The following COL3A1 variants were observed in gnomAD, a reference collection of about 807,000 sequenced individuals.
The protein encoded by COL3A1 is collagen type III alpha 1 chain, also known as collagen alpha-1(III) chain.
Under a neutral mutation model 200.9 loss-of-function variants are expected in COL3A1, and 46 were observed. The ratio of observed to expected loss-of-function variants is 0.23; its 90% CI spans 0.18 to 0.29. The LOEUF is 0.29. Ranked by LOEUF, COL3A1 falls within the 10% of genes least tolerant of loss-of-function variation. COL3A1 has a pLI of 1.00. For missense variants in COL3A1, 1,367 were observed against 1,917.6 expected, an observed-to-expected ratio of 0.71 and a Z score of 5.36; for synonymous variants, 650 against 628.0, an observed-to-expected ratio of 1.03 and a Z score of -0.52.
In COL3A1 at chr2:189,008,358, A is replaced by C. The variant is rs1688643863; in HGVS notation, c.3525+216A>C. On this transcript the variant is annotated intron_variant, in intron 47 of 50. Transcript: ENST00000304636. The stretch of plus-strand genomic sequence containing the variant: ...TACCTTTTTAAAAATTTGATCAGGT[A>C]TCCATCGTATCAGAATAATGACATC... 8.7e-6 allele frequency: 5 copies of C among 573,404 alleles called. No homozygotes were observed. In the Admixed American group the frequency reaches 1.4e-4, roughly 16 times the overall value. The allele number at this position is 573,404 out of a possible 1,614,324, so 35.5% of individuals were successfully genotyped here. A position where few individuals can be genotyped will look rare whatever the true frequency, so the allele number is the denominator to read the frequency against.
chr2:189,008,893 A>G, intron 47 of COL3A1, 31 bp from the exon 48 acceptor site: 1 of 1,608,260 alleles, frequency 6.2e-7, no homozygotes, highest in Non-Finnish European at 8.5e-7. Flanking sequence ...GAATGTGCAT[A>G]CCTCAATGAT....
Position 189,002,976 on chromosome 2 carries a change from G to T in COL3A1, c.2467G>T (p.Gly823Cys). 6.4e-7 allele frequency: 1 copy of T among 1,551,672 alleles called. No homozygotes were observed. The highest frequency in any genetic ancestry group is 8.7e-7 in the Non-Finnish European group (1 of 1,146,974). ...GTAGGGACAGAATGGTGAACCTGGTGGTAAAGGAGAAAGAGGGGCTCCGGG... is the reference window on the plus strand; with the variant it reads ...GTAGGGACAGAATGGTGAACCTGGTTGTAAAGGAGAAAGAGGGGCTCCGGG... ...GAPGQNGEPG[G>C]KGERGAPGEK... The change falls in exon 36 of 51, where the codon GGT becomes TGT. Residue 823 changes from glycine to cysteine, a missense_variant. Gly to Cys is a radical substitution (Grantham distance 159). This residue lies in a region of COL3A1 where 846 missense variants were observed against 1,147.9 expected (regional missense o/e 0.74). Transcript: ENST00000304636.
At chr2:188,979,769 G>A (rs746362179) in intron 1 of COL3A1, among the ~76,000 whole-genome samples, 1 of 151,650 alleles carries the variant, frequency 6.6e-6, no homozygotes, top group Non-Finnish European at 1.5e-5. Context: ...TTCTTTAATC[G>A]TACTCAGTTT....
chr2:189,006,897 G>C, intron 43 of COL3A1, 40 bp from the exon 44 acceptor site: 3 of 1,604,438 alleles, frequency 1.9e-6, no homozygotes, highest in Non-Finnish European at 2.6e-6. Flanking sequence ...CATAAAACTA[G>C]TTCCGTGTAT....
At chr2:189,010,937 T>C (rs1433681281) in intron 50 of COL3A1, 47 bp downstream of exon 50, 2 of 1,611,152 alleles carry the variant, frequency 1.2e-6, no homozygotes, top group South Asian at 1.1e-5. Context: ...GTCAGCATTT[T>C]AGTTTAATCA....
chr2:188,990,200 C>G, intron 9 of COL3A1, 51 bp downstream of exon 9: 1 of 1,595,684 alleles, frequency 6.3e-7, no homozygotes, highest in Non-Finnish European at 8.6e-7. Context: ...AGCTTGAAAA[C>G]TATTATGTAA....
chr2:188,992,060 T>G, intron 13 of COL3A1, 124 bp from the exon 14 acceptor site: 1 of 886,208 alleles, frequency 1.1e-6, no homozygotes, highest in Non-Finnish European at 1.9e-6. Context: ...TACATAATTA[T>G]TAAGCAGATT....
rs759132286 is a variant in COL3A1 at position 189,010,195 on chromosome 2, C to T, written c.3841C>T (p.Pro1281Ser). 1.2e-6 allele frequency: 2 copies of T among 1,613,914 alleles called. No individual in the cohort carries two copies. The highest frequency in any genetic ancestry group is 2.2e-5 in the South Asian group (2 of 91,080). Residue 1281 changes from proline to serine, a missense_variant, in exon 49 of 51, where the codon CCT becomes TCT. Physicochemically the swap from Pro to Ser is moderately conservative, Grantham distance 74. Around this residue, in one of 5 missense-constraint regions of COL3A1, gnomAD observed 846 missense variants for 1,147.9 expected, o/e 0.74. Transcript: ENST00000304636. ...ELKSGEYWVD[P>S]NQGCKLDAIK... Reference sequence around the variant, plus strand: ...CTATTCAGGAGAATACTGGGTTGACCCTAACCAAGGATGCAAATTGGATGC... The same window carrying T: ...CTATTCAGGAGAATACTGGGTTGACTCTAACCAAGGATGCAAATTGGATGC...
In COL3A1 at chr2:189,005,334, A is replaced by G. The variant is rs781150754; in HGVS notation, c.2932-16A>G. 2.5e-6 allele frequency: 4 copies of G among 1,605,982 alleles called. No individual in the cohort carries two copies. In the Admixed American group the frequency reaches 6.7e-5, roughly 27 times the overall value. On this transcript the variant is annotated splice_polypyrimidine_tract_variant and intron_variant, in intron 40 of 50. Transcript: ENST00000304636. ...CTTAAGTTGAAACAAAATGTTTTTC[A>G]TTCCTTTGTATACAGGGTGAAAGTG... is the stretch of plus-strand genomic sequence containing the variant.
At chr2:188,978,431 A>G (rs1687873682) in intron 1 of COL3A1, among the ~76,000 whole-genome samples, 2 of 151,986 alleles carry the variant, frequency 1.3e-5, no homozygotes, top group Non-Finnish European at 2.9e-5. Flanking sequence ...CTGGACCTTG[A>G]GTTGTCACTC....
chr2:189,007,138 T>TA (rs1553509521), intron 44 of COL3A1, 148 bp downstream of exon 44: 27 of 189,670 alleles, frequency 1.4e-4, no homozygotes, highest in African/African-American at 7.7e-4. Context: ...TATATATATA[T>TA]ATTTGTTCTA....
At chr2:188,999,226 G>T in intron 29 of COL3A1, 59 bp from the exon 30 acceptor site, 1 of 1,451,168 alleles carries the variant, frequency 6.9e-7, no homozygotes, top group South Asian at 1.2e-5. Context: ...TGCAAGTTAA[G>T]GTGCTTTGTT....
chr2:188,994,592 C>G lies in COL3A1; in HGVS notation c.1345C>G (p.Arg449Gly). The G allele has an allele frequency of 6.2e-7, 1 of 1,613,954 alleles. No individual in the cohort carries two copies. The highest frequency in any genetic ancestry group is 8.5e-7 in the Non-Finnish European group (1 of 1,179,990). The change falls in exon 19 of 51, where the codon CGC becomes GGC. Residue 449 changes from arginine (R) to glycine (G), a missense_variant and splice_region_variant. By Grantham distance (125) the Arg-to-Gly change is moderately radical. Transcript: ENST00000304636. The surrounding 1 kb of genome is among the most constrained non-coding windows in gnomAD (Gnocchi z 4.5). Reference protein sequence around the residue: ...AKGEPGPRGERGEAGIPGVPG... With the variant: ...AKGEPGPRGEGGEAGIPGVPG... The stretch of plus-strand genomic sequence containing the variant: ...AGGAGAGCCCGGACCACGTGGTGAA[C>G]GCGTAAGTTTTACTGCAACAGATCT...
Position 188,989,449 on chromosome 2 carries a change from T to C in COL3A1, c.690T>C (p.Asp230=), listed in dbSNP as rs1576462792. The change falls in exon 8 of 51, where the codon GAT becomes GAC. Residue 230 remains aspartate (D), a splice_region_variant and synonymous_variant. Coordinates refer to ENST00000304636, the MANE Select transcript of COL3A1 (RefSeq NM_000090.4). ...GTCCATCTGGTCCTGCTGGAAAAGA[T>C]GTAAGTTTTTAAAACTTAAATAAGA... ...AIGPSGPAGK[D]GESGRPGRPG... is the part of the protein sequence containing the mutation. The C allele has an allele frequency of 2.5e-6, 4 of 1,606,298 alleles. No homozygotes were observed. The highest frequency in any genetic ancestry group is 4.5e-5 in the East Asian group (2 of 44,642).
At chr2:189,011,152 G>C (rs1400179561) in intron 50 of COL3A1, among the ~76,000 whole-genome samples, 1 of 152,124 alleles carries the variant, frequency 6.6e-6, no homozygotes, top group Non-Finnish European at 1.5e-5. Context: ...AGATAATTGG[G>C]ATAGTTACTA....
At chr2:188,991,785 T>G (rs373677705) in intron 13 of COL3A1, 63 bp downstream of exon 13, 2 of 1,540,702 alleles carry the variant, frequency 1.3e-6, no homozygotes, top group African/African-American at 2.7e-5. Flanking sequence ...ACAGCCTCAG[T>G]AAAGTTTCAG....
In COL3A1 at chr2:189,011,948, T is replaced by G. The variant is rs1360959723; in HGVS notation, c.*174T>G. 3 of 687,138 alleles carry G rather than the reference T, an allele frequency of 4.4e-6. No individual in the cohort carries two copies. In the African/African-American group the frequency reaches 5.4e-5, roughly 12 times the overall value. The allele number at this position is 687,138 out of a possible 1,614,324, so 42.6% of individuals were successfully genotyped here. A position where few individuals can be genotyped will look rare whatever the true frequency, so the allele number is the denominator to read the frequency against. On this transcript the variant is annotated 3_prime_UTR_variant, in exon 51 of 51. Transcript: ENST00000304636. ...AATGATACTTCTCTTTTTTTGCTGT[T>G]CCACCAAATACAATTCAAATGCTTT...
chr2:188,991,648 T>C, intron 12 of COL3A1, 21 bp from the exon 13 acceptor site: 1 of 1,613,654 alleles, frequency 6.2e-7, no homozygotes, highest in Non-Finnish European at 8.5e-7. Context: ...AGTAAAACCA[T>C]ATTTCAATTT....
intron 36 of COL3A1, 51 bp downstream of exon 36, chr2:189,003,113 T>C: frequency 7.2e-7 from 1 of 1,385,328 alleles, no homozygotes; most frequent in South Asian, 1.2e-5. Context: ...TATCTATCTA[T>C]TGATTATCTG....
Sources: gnomAD v4.1 joint callset for allele counts (sites outside exome capture counted in the v4.1 genomes callset) on GRCh38, gnomAD v4.1.1 for gene constraint, gnomAD v4.1.1 regional missense constraint, Gnocchi (gnomAD v3.1) non-coding constraint, MANE v1.5 for transcripts, NCBI Gene and HGNC (gene_info 2026-07-23, HGNC 2026-07-21) for gene names.